The following PKNOX2 variants were observed in gnomAD, a reference collection of about 807,000 sequenced individuals.
The protein encoded by PKNOX2 is homeobox protein PKNOX2.
A neutral mutation model predicts 53.1 loss-of-function variants in PKNOX2; 14 were observed. That is an observed-to-expected ratio of 0.26 (90% CI 0.17 to 0.41). The LOEUF (loss-of-function observed/expected upper bound fraction) is 0.41, where lower values mean the gene tolerates loss of function less well. PKNOX2 is among the 10% of genes least tolerant of loss of function. The pLI is 1.00. For missense variants in PKNOX2, 496 were observed against 602.8 expected (o/e 0.82, Z 1.85); for synonymous variants, 257 against 242.8 (o/e 1.06, Z -0.54).
intron 6 of PKNOX2, among the ~76,000 whole-genome samples, chr11:125,389,313 G>C (rs1953873816): frequency 6.6e-6 from 1 of 152,200 alleles, no homozygotes; most frequent in African/African-American, 2.4e-5. Context: ...ACCCAGGTCA[G>C]CTGACTCCTG....
chr11:125,295,541 C>T (rs1947601194), intron 2 of PKNOX2, among the ~76,000 whole-genome samples: 1 of 152,180 alleles, frequency 6.6e-6, no homozygotes, highest in African/African-American at 2.4e-5. Context: ...TGCTGGATTC[C>T]TGTGGTTGAA....
At chr11:125,216,287 G>C (rs947879920) in intron 1 of PKNOX2, among the ~76,000 whole-genome samples, 7 of 152,180 alleles carry the variant, frequency 4.6e-5, no homozygotes, top group Admixed American at 2.0e-4. Context: ...CTGTGGTTTC[G>C]AGTCTGTCTG....
At chr11:125,213,858 A>G (rs1264784600) in intron 1 of PKNOX2, among the ~76,000 whole-genome samples, 1 of 152,056 alleles carries the variant, frequency 6.6e-6, no homozygotes, top group Non-Finnish European at 1.5e-5. Flanking sequence ...GCACAGAGGA[A>G]AAAAGCCCCA....
intron 2 of PKNOX2, among the ~76,000 whole-genome samples, chr11:125,280,817 C>A (rs1946507569): frequency 6.6e-6 from 1 of 152,176 alleles, no homozygotes; most frequent in African/African-American, 2.4e-5. Flanking sequence ...TGGCAGGGCT[C>A]TGGTTGTCAC....
At chr11:125,279,819 C>T (rs1946427507) in intron 2 of PKNOX2, among the ~76,000 whole-genome samples, 1 of 152,186 alleles carries the variant, frequency 6.6e-6, no homozygotes, top group African/African-American at 2.4e-5. Flanking sequence ...AATACAGCAT[C>T]AAATTAAGCA....
At chr11:125,225,215 C>A (rs931794099) in intron 1 of PKNOX2, among the ~76,000 whole-genome samples, 21 of 152,296 alleles carry the variant, frequency 1.4e-4, no homozygotes, top group African/African-American at 5.1e-4. Flanking sequence ...CCTGCAGGAC[C>A]TATAGAGCTG....
chr11:125,171,484 T>G (rs140718533), intron 1 of PKNOX2, among the ~76,000 whole-genome samples: 1 of 152,328 alleles, frequency 6.6e-6, no homozygotes, highest in Non-Finnish European at 1.5e-5. Flanking sequence ...GACAAGTTGC[T>G]TAACATCTTC....
In PKNOX2 at chr11:125,383,492, C is replaced by G. The variant is rs534315049; in HGVS notation, c.228-2059C>G. Among the ~76,000 whole-genome samples the G allele has an allele frequency of 4.6e-4, 70 of 150,548 alleles. No homozygotes were observed. The South Asian group carries it at 9.3e-3, about 20-fold the overall frequency. ...ATTAGTCAGGCATGATGGCGGGAAC[C>G]TATAATCCCAGCTACTTGGGAGGCT... On this transcript the variant is annotated intron_variant, in intron 5 of 12. Coordinates refer to ENST00000298282, the MANE Select transcript of PKNOX2 (RefSeq NM_001382323.2).
intron 6 of PKNOX2, among the ~76,000 whole-genome samples, chr11:125,396,635 A>G (rs1197030678): frequency 6.6e-6 from 1 of 151,854 alleles, no homozygotes; most frequent in East Asian, 1.9e-4. Context: ...AACATTTTTT[A>G]TAAAATTGAA....
intron 2 of PKNOX2, among the ~76,000 whole-genome samples, chr11:125,256,823 G>A (rs1944437603): frequency 6.6e-6 from 1 of 152,178 alleles, no homozygotes; most frequent in Non-Finnish European, 1.5e-5. Context: ...CTTCCTCCAG[G>A]AGCAGGGGAG....
chr11:125,326,408 G>T (rs115784509), intron 2 of PKNOX2, among the ~76,000 whole-genome samples: 72 of 152,318 alleles, frequency 4.7e-4, no homozygotes, highest in African/African-American at 1.7e-3. Flanking sequence ...TGGAGAAAAG[G>T]TTCAGATTTG....
chr11:125,312,082 C>T (rs1338075891), intron 2 of PKNOX2, among the ~76,000 whole-genome samples: 1 of 152,140 alleles, frequency 6.6e-6, no homozygotes, highest in East Asian at 1.9e-4. Flanking sequence ...GTTCTCTGAG[C>T]CTCTGTTTCT....
At chr11:125,271,583 T>C (rs1945794071) in intron 2 of PKNOX2, among the ~76,000 whole-genome samples, 1 of 152,216 alleles carries the variant, frequency 6.6e-6, no homozygotes, top group Admixed American at 6.5e-5. Flanking sequence ...CTCTGCTCAC[T>C]TGGTTTTCAG....
At chr11:125,397,832 G>A (rs757267231) in intron 6 of PKNOX2, 42 bp from the exon 7 acceptor site, 7 of 1,559,276 alleles carry the variant, frequency 4.5e-6, no homozygotes, top group South Asian at 1.2e-5. Flanking sequence ...TGAGGGAAAT[G>A]GGATGCAAAC....
intron 1 of PKNOX2, among the ~76,000 whole-genome samples, chr11:125,200,099 G>C (rs1301766106): frequency 6.6e-6 from 1 of 152,176 alleles, no homozygotes; most frequent in African/African-American, 2.4e-5. Context: ...AGAGCACCTT[G>C]TCTTGCCTTC....
intron 5 of PKNOX2, among the ~76,000 whole-genome samples, chr11:125,379,791 C>T (rs565267864): frequency 2.0e-5 from 3 of 152,256 alleles, no homozygotes; most frequent in South Asian, 2.1e-4. Flanking sequence ...GTAAAAAACA[C>T]GAAGGCAGAA....
At chr11:125,293,351 G>A (rs2135920598) in intron 2 of PKNOX2, among the ~76,000 whole-genome samples, 1 of 152,302 alleles carries the variant, frequency 6.6e-6, no homozygotes, top group East Asian at 1.9e-4. Context: ...GGGCAAGCGG[G>A]TGAAATGTAG....
chr11:125,330,894 T>G (rs146753725), intron 2 of PKNOX2, among the ~76,000 whole-genome samples: 1 of 152,200 alleles, frequency 6.6e-6, no homozygotes, highest in African/African-American at 2.4e-5. Flanking sequence ...TGGTGTTAAC[T>G]AGGAAGGAAC....
intron 2 of PKNOX2, among the ~76,000 whole-genome samples, chr11:125,254,395 A>G (rs575591117): frequency 3.3e-5 from 5 of 152,298 alleles, no homozygotes; most frequent in Admixed American, 3.3e-4. Flanking sequence ...CTCCTCACCC[A>G]GTGGGATCTG....
Sources: gnomAD v4.1 joint callset for allele counts (sites outside exome capture counted in the v4.1 genomes callset) on GRCh38, gnomAD v4.1.1 for gene constraint, MANE v1.5 for transcripts, NCBI Gene and HGNC (gene_info 2026-07-23, HGNC 2026-07-21) for gene names.